The following PATJ variants were observed in gnomAD, a reference collection of about 807,000 sequenced individuals.
PATJ encodes inaD-like protein.
Under a neutral mutation model 224.9 loss-of-function variants are expected in PATJ, and 190 were observed. The observed-to-expected ratio is 0.84, with a 90% CI of 0.75 to 0.95. The LOEUF (loss-of-function observed/expected upper bound fraction) is 0.95. PATJ is among the 40% of genes least tolerant of loss of function. PATJ has a pLI of 0.00. For missense variants in PATJ, 2,121 were observed against 2,270.3 expected (o/e 0.93, Z 1.34); for synonymous variants, 769 against 820.3 (o/e 0.94, Z 1.07).
At chr1:61,900,954 T>G (rs79058851) in intron 23 of PATJ, among the ~76,000 whole-genome samples, 2 of 152,144 alleles carry the variant, frequency 1.3e-5, no homozygotes, top group Admixed American at 1.3e-4. Context: ...TTTGCTAATG[T>G]TATGGATACA....
chr1:61,949,467 T>C (rs1394881221), intron 27 of PATJ, among the ~76,000 whole-genome samples: 1 of 152,208 alleles, frequency 6.6e-6, no homozygotes, highest in Non-Finnish European at 1.5e-5. Context: ...AATTTTATAG[T>C]GTGCAAATTA....
At chr1:61,782,660 A>G (rs1647586724) in intron 7 of PATJ, among the ~76,000 whole-genome samples, 1 of 152,234 alleles carries the variant, frequency 6.6e-6, no homozygotes. Flanking sequence ...TTCCATGGAT[A>G]GAGAAATTCT....
At chr1:61,758,175 G>T (rs185660637) in intron 1 of PATJ, among the ~76,000 whole-genome samples, 1 of 152,116 alleles carries the variant, frequency 6.6e-6, no homozygotes, top group Non-Finnish European at 1.5e-5. Flanking sequence ...GGCAGAAGCC[G>T]CAGACACAGA....
chr1:61,866,975 G>T (rs372740508), intron 20 of PATJ, among the ~76,000 whole-genome samples: 1 of 152,170 alleles, frequency 6.6e-6, no homozygotes, highest in Non-Finnish European at 1.5e-5. Flanking sequence ...CTGTCATGGC[G>T]CTGGTGGGAG....
rs1041218230 is a variant in PATJ at position 62,067,318 on chromosome 1, A to G, written c.4126-12132A>G. 2.6e-5 allele frequency among the ~76,000 whole-genome samples: 4 copies of G among 151,456 alleles called. No homozygotes were observed. In the East Asian group the frequency reaches 5.9e-4, roughly 22 times the overall value. The stretch of plus-strand genomic sequence containing the variant: ...ATTTTTTTGTATTTTTAGTAGAGAC[A>G]GGGTTTCACCATGTTAGCCAGGATG... On this transcript the variant is annotated intron_variant, in intron 31 of 43. Coordinates refer to ENST00000642238, the MANE Select transcript of PATJ (RefSeq NM_001350145.3).
intron 31 of PATJ, among the ~76,000 whole-genome samples, chr1:62,053,007 G>A (rs1653909779): frequency 6.6e-6 from 1 of 152,184 alleles, no homozygotes; most frequent in East Asian, 1.9e-4. Flanking sequence ...TAAAAAGAGT[G>A]AGAATACTCT....
At chr1:62,053,863 A>G (rs1187936233) in intron 31 of PATJ, among the ~76,000 whole-genome samples, 1 of 152,214 alleles carries the variant, frequency 6.6e-6, no homozygotes, top group Non-Finnish European at 1.5e-5. Context: ...GGGCAAATAG[A>G]GCTTAGTAAA....
At chr1:62,156,231 T>A (rs12040256) in intron 43 of PATJ, among the ~76,000 whole-genome samples, 26,625 of 150,732 alleles carry the variant, frequency 0.18, 3,677 homozygotes, top group East Asian at 0.64. Flanking sequence ...AAAATTTTTT[T>A]TTAGACTCCA....
At chr1:62,117,456 T>C in intron 37 of PATJ, 1 of 1,335,526 alleles carries the variant, frequency 7.5e-7, no homozygotes, top group Non-Finnish European at 9.6e-7. Context: ...CTCTTTTCTC[T>C]CTATTAGTTC....
chr1:61,995,736 G>A (rs192163511), intron 28 of PATJ, among the ~76,000 whole-genome samples: 20 of 152,290 alleles, frequency 1.3e-4, no homozygotes, highest in African/African-American at 4.6e-4. Context: ...AATTTCAAAA[G>A]GCATTAACAT....
At chr1:61,744,846 C>T (rs114800287) in intron 1 of PATJ, among the ~76,000 whole-genome samples, 1 of 152,300 alleles carries the variant, frequency 6.6e-6, no homozygotes, top group Non-Finnish European at 1.5e-5. Flanking sequence ...GACTAACCAC[C>T]TATAAATTGG....
At chr1:62,073,309 C>T (rs945099647) in intron 31 of PATJ, 1 of 985,164 alleles carries the variant, frequency 1.0e-6, no homozygotes, top group Admixed American at 6.2e-5. Context: ...TCTGTCCCAA[C>T]CCCCTAAACA....
chr1:61,959,436 TTTC>T (rs1412608214), intron 27 of PATJ, among the ~76,000 whole-genome samples: 1,597 of 57,934 alleles, frequency 0.028, 38 homozygotes, highest in East Asian at 0.063. Flanking sequence ...TTTTTTTTCT[TTTC>T]TTTTTTTTTT....
chr1:61,751,242 T>C (rs1340519884), intron 1 of PATJ, among the ~76,000 whole-genome samples: 6 of 151,954 alleles, frequency 3.9e-5, no homozygotes, highest in Admixed American at 1.3e-4. Context: ...CCTCAAGTGA[T>C]CCGTCTCCTT....
At chr1:61,922,190 A>G (rs1047335777) in intron 26 of PATJ, among the ~76,000 whole-genome samples, 15 of 152,056 alleles carry the variant, frequency 9.9e-5, no homozygotes, top group African/African-American at 3.4e-4. Context: ...CTACAGGTGC[A>G]CACCACCACA....
At chr1:61,745,283 T>A (rs1292281082) in intron 1 of PATJ, among the ~76,000 whole-genome samples, 2 of 152,132 alleles carry the variant, frequency 1.3e-5, no homozygotes, top group African/African-American at 2.4e-5. Flanking sequence ...TTTATTTATT[T>A]ATTTATTTTG....
At position 61,818,048 on chromosome 1, in the gene PATJ, A is replaced by G. The variant is rs1316786366; in HGVS notation, c.1684-4897A>G. Among the ~76,000 whole-genome samples, 4 of 152,108 alleles carry G rather than the reference A, an allele frequency of 2.6e-5. No individual in the cohort carries two copies. In the East Asian group the frequency reaches 5.8e-4, roughly 22 times the overall value. ...AAGTTTCTTCTCCCCCTGAAGCAAT[A>G]TCATTTATATTCCCGCTTAAGCATT... On this transcript the variant is annotated intron_variant, in intron 14 of 43. Transcript: ENST00000642238.
chr1:62,022,411 A>G (rs910499206), intron 29 of PATJ, among the ~76,000 whole-genome samples: 12 of 152,118 alleles, frequency 7.9e-5, no homozygotes, highest in African/African-American at 2.9e-4. Flanking sequence ...TGATACACTA[A>G]ATTATTCAAC....
intron 29 of PATJ, among the ~76,000 whole-genome samples, chr1:62,022,885 C>T (rs1026258550): frequency 3.3e-5 from 5 of 152,202 alleles, no homozygotes; most frequent in Admixed American, 2.0e-4. Context: ...TAGTGTGGCT[C>T]GTTATCCTCT....
Sources: allele counts gnomAD v4.1 joint callset (sites outside exome capture counted in the v4.1 genomes callset), GRCh38; gene constraint gnomAD v4.1.1; transcripts MANE v1.5; gene names NCBI Gene and HGNC (gene_info 2026-07-23, HGNC 2026-07-21).